Variants in PHACTR1 observed in about 807,000 individuals in gnomAD.
The protein encoded by PHACTR1 is RPEL repeat containing 1.
Under a neutral mutation model 69.2 loss-of-function variants are expected in PHACTR1, and 16 were observed. The observed-to-expected ratio is 0.23, with a 90% CI of 0.16 to 0.35. The LOEUF (loss-of-function observed/expected upper bound fraction) is 0.35, where lower values mean the gene tolerates loss of function less well. PHACTR1 is among the 10% of genes least tolerant of loss of function. The pLI is 1.00. For synonymous variants in PHACTR1, 312 were observed against 284.5 expected, an observed-to-expected ratio of 1.10 and a Z score of -0.97; for missense variants, 510 against 734.7, an observed-to-expected ratio of 0.69 and a Z score of 3.54.
At chr6:13,222,771 T>TG (rs919623360) in intron 8 of PHACTR1, among the ~76,000 whole-genome samples, 6 of 152,202 alleles carry the variant, frequency 3.9e-5, no homozygotes, top group Non-Finnish European at 7.3e-5. Flanking sequence ...TGCTGGCATC[T>TG]GGTGGGCAGA....
chr6:12,898,124 C>G (rs9472867), intron 4 of PHACTR1, among the ~76,000 whole-genome samples: 6,928 of 152,122 alleles, frequency 0.046, 558 homozygotes, highest in African/African-American at 0.16. Context: ...CATTTTATTT[C>G]ACCTCAGGCC....
intron 4 of PHACTR1, among the ~76,000 whole-genome samples, chr6:12,830,072 AGAAG>A (rs1191775746): frequency 1.5e-4 from 22 of 142,762 alleles, no homozygotes; most frequent in African/African-American, 5.6e-4. Flanking sequence ...AGGAAAAGAA[AGAAG>A]GAAGGAAGGA....
chr6:12,926,042 C>T (rs1788238156), intron 4 of PHACTR1, among the ~76,000 whole-genome samples: 1 of 152,142 alleles, frequency 6.6e-6, no homozygotes, highest in East Asian at 1.9e-4. Flanking sequence ...CATGCCATCC[C>T]CTCTGCAGTG....
At chr6:13,162,973 C>T (rs969922292) in intron 6 of PHACTR1, among the ~76,000 whole-genome samples, 4 of 152,154 alleles carry the variant, frequency 2.6e-5, no homozygotes, top group Non-Finnish European at 2.9e-5. Context: ...GGGCCGGGCT[C>T]GGTGTCTCAC....
chr6:13,007,688 A>T, intron 4 of PHACTR1, among the ~76,000 whole-genome samples: 1 of 138,496 alleles, frequency 7.2e-6, no homozygotes, highest in East Asian at 2.1e-4. Context: ...TGAACTTAAG[A>T]GGTAGACTAC....
intron 4 of PHACTR1, among the ~76,000 whole-genome samples, chr6:12,995,405 C>T (rs867123529): frequency 7.2e-5 from 11 of 152,040 alleles, no homozygotes; most frequent in African/African-American, 2.6e-4. Flanking sequence ...GATTAAACTT[C>T]TCTGCTCAAA....
intron 4 of PHACTR1, among the ~76,000 whole-genome samples, chr6:12,929,215 G>C (rs777006976): frequency 6.6e-6 from 1 of 152,310 alleles, no homozygotes; most frequent in African/African-American, 2.4e-5. Flanking sequence ...TTGTGCTTCA[G>C]AGTTTCCCCA....
rs147492310 is a variant in PHACTR1 at position 12,957,606 on chromosome 6, G to A, written c.251-95759G>A. The A allele has an allele frequency of 4.1e-4, 408 of 985,600 alleles. No individual in the cohort carries two copies. In the African/African-American group the frequency reaches 6.1e-3, roughly 15 times the overall value. 61.1% of individuals were successfully genotyped at this position (985,600 alleles called of 1,614,324 possible). Reference sequence around the variant, plus strand: ...CCACTTTAGAGACGTCTGAGTACCCGCAGGTCACACCCAGGAGGGGTTGGT... The same window carrying A: ...CCACTTTAGAGACGTCTGAGTACCCACAGGTCACACCCAGGAGGGGTTGGT... On this transcript the variant is annotated intron_variant, in intron 4 of 14. Coordinates refer to ENST00000332995, the MANE Select transcript of PHACTR1 (RefSeq NM_030948.6).
chr6:13,244,888 G>C (rs1773380078), intron 10 of PHACTR1, among the ~76,000 whole-genome samples: 1 of 152,216 alleles, frequency 6.6e-6, no homozygotes, highest in Non-Finnish European at 1.5e-5. Context: ...GAAATCACAA[G>C]GGTATTGATT....
intron 3 of PHACTR1, among the ~76,000 whole-genome samples, chr6:12,735,929 C>T (rs554318572): frequency 2.0e-5 from 3 of 152,304 alleles, no homozygotes; most frequent in Non-Finnish European, 4.4e-5. Flanking sequence ...AGAAACAAGG[C>T]AGCCACCTCC....
At chr6:13,231,240 G>A (rs1771055994) in intron 10 of PHACTR1, among the ~76,000 whole-genome samples, 1 of 140,088 alleles carries the variant, frequency 7.1e-6, no homozygotes, top group Non-Finnish European at 1.5e-5. Context: ...AAGAGAGAAA[G>A]AAAGAAGGAA....
intron 4 of PHACTR1, among the ~76,000 whole-genome samples, chr6:12,908,884 G>C (rs1013325924): frequency 6.6e-6 from 1 of 152,184 alleles, no homozygotes. Context: ...TTTCCTGCTA[G>C]CCATAAAGAA....
At chr6:12,821,481 AAAAG>A (rs1434266747) in intron 4 of PHACTR1, among the ~76,000 whole-genome samples, 778 of 63,946 alleles carry the variant, frequency 0.012, 4 homozygotes, top group African/African-American at 0.049. Context: ...AAAAAAAAAA[AAAAG>A]AGAGAGAGAG....
At chr6:13,036,610 G>C (rs1326389545) in intron 4 of PHACTR1, among the ~76,000 whole-genome samples, 1 of 152,172 alleles carries the variant, frequency 6.6e-6, no homozygotes, top group East Asian at 1.9e-4. Flanking sequence ...AACAGCCTCA[G>C]TTCAAACTCG....
intron 4 of PHACTR1, among the ~76,000 whole-genome samples, chr6:13,025,424 G>T (rs547686463): frequency 6.6e-6 from 1 of 152,312 alleles, no homozygotes; most frequent in South Asian, 2.1e-4. Context: ...GGCCAGATGG[G>T]CAGGCCTCCC....
chr6:12,958,573 A>C (rs1489760095), intron 4 of PHACTR1, among the ~76,000 whole-genome samples: 1 of 152,202 alleles, frequency 6.6e-6, no homozygotes, highest in East Asian at 1.9e-4. Context: ...CAATACGGGA[A>C]CTGATAACAG....
chr6:12,970,746 ACT>A (rs1459393022), intron 4 of PHACTR1, among the ~76,000 whole-genome samples: 3 of 152,144 alleles, frequency 2.0e-5, no homozygotes, highest in African/African-American at 7.2e-5. Flanking sequence ...ACAGAGCAAG[ACT>A]CTGTCTCAAA....
chr6:12,735,346 T>C (rs1273181539), intron 3 of PHACTR1, among the ~76,000 whole-genome samples: 1 of 152,184 alleles, frequency 6.6e-6, no homozygotes, highest in Non-Finnish European at 1.5e-5. Context: ...AGCATATTCT[T>C]GTGGTCACAG....
chr6:13,029,345 AG>A (rs1561715746), intron 4 of PHACTR1, among the ~76,000 whole-genome samples: 1 of 152,192 alleles, frequency 6.6e-6, no homozygotes, highest in Non-Finnish European at 1.5e-5. Flanking sequence ...TTTGGTGAAA[AG>A]GGCATATTGG....
Sources: allele counts gnomAD v4.1 joint callset (sites outside exome capture counted in the v4.1 genomes callset), GRCh38; gene constraint gnomAD v4.1.1; transcripts MANE v1.5; gene names NCBI Gene and HGNC (gene_info 2026-07-23, HGNC 2026-07-21).